SH3GL3: variants seen among roughly 807,000 people sequenced by gnomAD.
SH3GL3 encodes the protein endophilin-A3.
Under a neutral mutation model 47.7 loss-of-function variants are expected in SH3GL3, and 33 were observed. That is an observed-to-expected ratio of 0.69 (90% CI 0.52 to 0.92). The LOEUF is 0.92. SH3GL3 is among the 40% of genes least tolerant of loss of function. SH3GL3 has a pLI of 0.00. For synonymous variants in SH3GL3, 155 were observed against 148.8 expected (o/e 1.04, Z -0.30); for missense variants, 363 against 417.8 (o/e 0.87, Z 1.14).
chr15:83,479,128 G>T (rs2151550816), intron 1 of SH3GL3, among the ~76,000 whole-genome samples: 1 of 152,310 alleles, frequency 6.6e-6, no homozygotes, highest in South Asian at 2.1e-4. Context: ...TGATGTAAGG[G>T]CCAGGTGCGT....
At chr15:83,547,292 G>A (rs1023889379) in intron 1 of SH3GL3, among the ~76,000 whole-genome samples, 2 of 151,710 alleles carry the variant, frequency 1.3e-5, no homozygotes, top group Non-Finnish European at 1.5e-5. Flanking sequence ...CACGGGCACT[G>A]GCCAAAGCCA....
At chr15:83,556,473 A>G (rs1377092187) in intron 1 of SH3GL3, among the ~76,000 whole-genome samples, 1 of 152,262 alleles carries the variant, frequency 6.6e-6, no homozygotes, top group Non-Finnish European at 1.5e-5. Context: ...TGTTCTTGAA[A>G]GTAGAAACAC....
At chr15:83,495,190 C>T (rs752801224) in intron 1 of SH3GL3, among the ~76,000 whole-genome samples, 1 of 152,152 alleles carries the variant, frequency 6.6e-6, no homozygotes, top group Non-Finnish European at 1.5e-5. Context: ...GTGCTATTTC[C>T]CTTACCCTTG....
chr15:83,537,133 G>A (rs565397069), intron 1 of SH3GL3, among the ~76,000 whole-genome samples: 1 of 152,260 alleles, frequency 6.6e-6, no homozygotes, highest in East Asian at 1.9e-4. Flanking sequence ...ACTCAGGGAG[G>A]CTGGAAAGAA....
intron 8 of SH3GL3, among the ~76,000 whole-genome samples, chr15:83,594,121 C>T (rs1180470865): frequency 2.6e-5 from 4 of 152,160 alleles, no homozygotes; most frequent in Non-Finnish European, 4.4e-5. Flanking sequence ...GCCTGGCCTT[C>T]ATAGATTTTA....
intron 1 of SH3GL3, among the ~76,000 whole-genome samples, chr15:83,536,018 T>A (rs1016333681): frequency 3.9e-5 from 6 of 152,172 alleles, no homozygotes; most frequent in African/African-American, 7.2e-5. Context: ...ATCGTAGACA[T>A]CCTTTCTGAA....
At position 83,594,072 on chromosome 15, in the gene SH3GL3, G is replaced by A. The variant is rs115042470; in HGVS notation, c.838+5301G>A. On this transcript the variant is annotated intron_variant, in intron 8 of 8. Coordinates refer to ENST00000427482, the MANE Select transcript of SH3GL3 (RefSeq NM_003027.5). ...GGGCTCAAGCTATTCGCCTGCTTCGGCCTTCCAAAGTGTTGGGATTACAGG... is the reference window on the plus strand; with the variant it reads ...GGGCTCAAGCTATTCGCCTGCTTCGACCTTCCAAAGTGTTGGGATTACAGG... Among the ~76,000 whole-genome samples the A allele has an allele frequency of 5.8e-3, 881 of 152,236 alleles. 14 individuals carry two copies. Among genetic ancestry groups the A allele is most frequent in the African/African-American group, 0.02 (848 of 41,548 alleles).
intron 1 of SH3GL3, among the ~76,000 whole-genome samples, chr15:83,538,283 A>AATAATAAATCT (rs1366821696): frequency 1.5e-4 from 23 of 152,240 alleles, no homozygotes; most frequent in Non-Finnish European, 1.3e-4. Context: ...TTCCTTCTAG[A>AATAATAAATCT]AGAATAAATC....
intron 7 of SH3GL3, 79 bp from the exon 8 acceptor site, chr15:83,588,583 C>A: frequency 1.1e-6 from 1 of 892,458 alleles, no homozygotes; most frequent in South Asian, 1.4e-5. Flanking sequence ...AGTTCCTGTG[C>A]TCAACAAGGC....
chr15:83,533,261 G>A (rs929617878), intron 1 of SH3GL3, among the ~76,000 whole-genome samples: 1 of 152,160 alleles, frequency 6.6e-6, no homozygotes, highest in Non-Finnish European at 1.5e-5. Flanking sequence ...GAATATGAAA[G>A]GCTTGAGTAC....
chr15:83,467,690 T>A (rs2040629534), intron 1 of SH3GL3, among the ~76,000 whole-genome samples: 1 of 152,258 alleles, frequency 6.6e-6, no homozygotes, highest in Non-Finnish European at 1.5e-5. Context: ...TCTCTGTGTG[T>A]ATTTTGCTCT....
At chr15:83,481,057 C>T (rs938066375) in intron 1 of SH3GL3, among the ~76,000 whole-genome samples, 1 of 152,078 alleles carries the variant, frequency 6.6e-6, no homozygotes, top group African/African-American at 2.4e-5. Flanking sequence ...GGGCGGATCA[C>T]CTGAGGTTAG....
chr15:83,477,421 G>A (rs142283001), intron 1 of SH3GL3, among the ~76,000 whole-genome samples: 1,739 of 152,022 alleles, frequency 0.011, 15 homozygotes, highest in Non-Finnish European at 0.015. Flanking sequence ...ATTATTCTTG[G>A]GGGTGATGTC....
chr15:83,589,828 A>G (rs2060048070), intron 8 of SH3GL3, among the ~76,000 whole-genome samples: 1 of 152,116 alleles, frequency 6.6e-6, no homozygotes, highest in Non-Finnish European at 1.5e-5. Flanking sequence ...CTATTATACC[A>G]TTTCCCTATT....
chr15:83,534,456 A>C lies in SH3GL3; in HGVS notation c.46-24797A>C, dbSNP rs183908258. Among the ~76,000 whole-genome samples, 43 of 152,042 alleles carry C rather than the reference A, an allele frequency of 2.8e-4. 1 individual carries two copies. Among genetic ancestry groups the C allele is most frequent in the African/African-American group, 1.0e-3 (42 of 41,446 alleles). On this transcript the variant is annotated intron_variant, in intron 1 of 8. Transcript: ENST00000427482. ...GTTGGCTTAGGCCGAAAGATTCGAA[A>C]CCTTTGTGTCTATGTATTTTTAAAA...
intron 1 of SH3GL3, among the ~76,000 whole-genome samples, chr15:83,494,550 T>C (rs867854374): frequency 1.1e-3 from 103 of 94,352 alleles, no homozygotes; most frequent in Middle Eastern, 5.4e-3. Flanking sequence ...TAGTCCCCCT[T>C]TTTTTTTTTT....
intron 1 of SH3GL3, among the ~76,000 whole-genome samples, chr15:83,543,658 T>C (rs1567321283): frequency 6.6e-6 from 1 of 152,004 alleles, no homozygotes; most frequent in Non-Finnish European, 1.5e-5. Flanking sequence ...AGACTTTGTA[T>C]TTCAAACGAG....
chr15:83,609,301 AG>A lies in SH3GL3; in HGVS notation c.839-8779del, dbSNP rs1248208980. On this transcript the variant is annotated intron_variant, in intron 8 of 8. Coordinates refer to ENST00000427482, the MANE Select transcript of SH3GL3 (RefSeq NM_003027.5). ...GCAGACTGGAACCAGCAGATTAGGA[AG>A]GCCCAAGGGACTGCTTCGGGAAGGC... The A allele has an allele frequency of 8.8e-6, 4 of 455,934 alleles. No homozygotes were observed. In the Admixed American group the frequency reaches 9.4e-5, roughly 11 times the overall value. The allele number at this position is 455,934 out of a possible 1,614,324, so 28.2% of individuals were successfully genotyped here. A position where few individuals can be genotyped will look rare whatever the true frequency, so the allele number is the denominator to read the frequency against.
At chr15:83,579,507 C>G (rs1208412663) in intron 6 of SH3GL3, among the ~76,000 whole-genome samples, 4 of 152,200 alleles carry the variant, frequency 2.6e-5, no homozygotes. Flanking sequence ...TCCCTCCTTC[C>G]TGCTTCCTGC....
Sources: gnomAD v4.1 joint callset for allele counts (sites outside exome capture counted in the v4.1 genomes callset) on GRCh38, gnomAD v4.1.1 for gene constraint, MANE v1.5 for transcripts, NCBI Gene and HGNC (gene_info 2026-07-23, HGNC 2026-07-21) for gene names.